The following SETBP1 variants were observed in gnomAD, a reference collection of about 807,000 sequenced individuals.
SETBP1 encodes SET binding protein 1, also known as SET-binding protein.
Under a neutral mutation model 101.0 loss-of-function variants are expected in SETBP1, and 9 were observed. The ratio of observed to expected loss-of-function variants is 0.09; its 90% CI spans 0.05 to 0.16. The LOEUF is 0.16. Among genes scored for constraint, SETBP1 ranks in the 10% least tolerant of loss-of-function variants. The pLI is 1.00. For missense variants in SETBP1, 1,858 were observed against 2,033.8 expected (o/e 0.91, Z 1.66); for synonymous variants, 818 against 788.5 (o/e 1.04, Z -0.63).
chr18:45,003,404 T>A (rs780314198), intron 4 of SETBP1, among the ~76,000 whole-genome samples: 1 of 152,216 alleles, frequency 6.6e-6, no homozygotes, highest in Non-Finnish European at 1.5e-5. Context: ...CCATTACAAG[T>A]AATGTATGTA....
intron 3 of SETBP1, among the ~76,000 whole-genome samples, chr18:44,910,933 A>C (rs2070293844): frequency 6.6e-6 from 1 of 152,086 alleles, no homozygotes; most frequent in Admixed American, 6.6e-5. Context: ...CACTCTCTGA[A>C]GTTATGGAAG....
intron 1 of SETBP1, among the ~76,000 whole-genome samples, chr18:44,690,155 G>A (rs1042725517): frequency 6.6e-6 from 1 of 152,202 alleles, no homozygotes; most frequent in Non-Finnish European, 1.5e-5. Flanking sequence ...AAACTCTTGT[G>A]ATACTGGTAC....
At chr18:44,744,204 A>T (rs1434010431) in intron 2 of SETBP1, among the ~76,000 whole-genome samples, 1 of 152,214 alleles carries the variant, frequency 6.6e-6, no homozygotes, top group African/African-American at 2.4e-5. Flanking sequence ...GTCTCTGGGG[A>T]CTGGAAGAGA....
intron 2 of SETBP1, among the ~76,000 whole-genome samples, chr18:44,853,977 G>C (rs997245778): frequency 1.3e-5 from 2 of 152,098 alleles, no homozygotes; most frequent in East Asian, 3.9e-4. Context: ...ACATCAGACC[G>C]GTCTTCATTA....
At chr18:44,867,140 G>A (rs890185638) in intron 2 of SETBP1, among the ~76,000 whole-genome samples, 3 of 152,202 alleles carry the variant, frequency 2.0e-5, no homozygotes, top group Non-Finnish European at 4.4e-5. Context: ...TCAGTAAAGA[G>A]GAGATACTTT....
chr18:44,796,970 G>A (rs1457411091), intron 2 of SETBP1, among the ~76,000 whole-genome samples: 2 of 152,118 alleles, frequency 1.3e-5, no homozygotes, highest in East Asian at 1.9e-4. Context: ...CCTACCTGAA[G>A]GGGGGTAAAT....
chr18:44,867,773 C>T (rs1221843236), intron 2 of SETBP1, among the ~76,000 whole-genome samples: 1 of 152,182 alleles, frequency 6.6e-6, no homozygotes, highest in Non-Finnish European at 1.5e-5. Context: ...ACCTTCTCCA[C>T]CTCTCTTCTG....
At chr18:45,042,926 T>G (rs182259528) in intron 5 of SETBP1, among the ~76,000 whole-genome samples, 1 of 152,272 alleles carries the variant, frequency 6.6e-6, no homozygotes, top group African/African-American at 2.4e-5. Context: ...AGTCCCCTGG[T>G]GCAGCCAAGG....
At position 44,952,892 on chromosome 18, in the gene SETBP1, C is replaced by T. The variant is rs1379789897; in HGVS notation, c.3552C>T (p.His1184=). 1.9e-6 allele frequency: 3 copies of T among 1,614,210 alleles called. No homozygotes were observed. The East Asian group carries it at 6.7e-5, about 36-fold the overall frequency. Residue 1184 remains histidine, a synonymous_variant, in exon 4 of 6, where the codon CAC becomes CAT. Transcript: ENST00000649279. Reference sequence around the variant, plus strand: ...GCAAAGCCACAGGCTTCTCCAGCCACATCCTGAGCGAGCGGCTGAGTAGCG... The same window carrying T: ...GCAAAGCCACAGGCTTCTCCAGCCATATCCTGAGCGAGCGGCTGAGTAGCG... The part of the protein sequence containing the change: ...FAGKATGFSS[H]ILSERLSSAD...
intron 2 of SETBP1, among the ~76,000 whole-genome samples, chr18:44,827,342 A>G (rs2072259889): frequency 6.6e-6 from 1 of 152,116 alleles, no homozygotes; most frequent in African/African-American, 2.4e-5. Context: ...TTGCCCATAG[A>G]CGTGTCATTA....
At chr18:44,956,995 A>G (rs1347582225) in intron 4 of SETBP1, among the ~76,000 whole-genome samples, 1 of 152,160 alleles carries the variant, frequency 6.6e-6, no homozygotes, top group Non-Finnish European at 1.5e-5. Context: ...CCTGTTTTCT[A>G]AATGCATACC....
chr18:44,938,562 T>C (rs2071014284), intron 3 of SETBP1, among the ~76,000 whole-genome samples: 1 of 152,226 alleles, frequency 6.6e-6, no homozygotes, highest in South Asian at 2.1e-4. Context: ...GAGGAGCCAT[T>C]ACCCAGATGG....
intron 2 of SETBP1, among the ~76,000 whole-genome samples, chr18:44,706,310 G>A (rs1179002092): frequency 6.6e-6 from 1 of 152,036 alleles, no homozygotes; most frequent in Non-Finnish European, 1.5e-5. Context: ...GTAGTGCTGG[G>A]CACAGTGGCT....
intron 2 of SETBP1, among the ~76,000 whole-genome samples, chr18:44,822,547 A>G (rs775960369): frequency 6.6e-6 from 1 of 152,238 alleles, no homozygotes; most frequent in Non-Finnish European, 1.5e-5. Flanking sequence ...ACCACCTGCC[A>G]TAGGGAAGAT....
intron 4 of SETBP1, among the ~76,000 whole-genome samples, chr18:45,030,968 G>C (rs180861589): frequency 0.094 from 14,269 of 151,468 alleles, 934 homozygotes; most frequent in African/African-American, 0.19. Flanking sequence ...ACCAGCTCCT[G>C]GATTCATTAA....
At chr18:44,895,960 C>T (rs565136492) in intron 3 of SETBP1, among the ~76,000 whole-genome samples, 6 of 152,138 alleles carry the variant, frequency 3.9e-5, no homozygotes, top group African/African-American at 7.2e-5. Flanking sequence ...TCCCCATGCC[C>T]GCATGCTCAC....
intron 4 of SETBP1, among the ~76,000 whole-genome samples, chr18:44,980,325 G>T (rs1392398675): frequency 6.6e-6 from 1 of 152,092 alleles, no homozygotes; most frequent in Non-Finnish European, 1.5e-5. Context: ...CTTGCGTCTT[G>T]TCACAAACCA....
rs1468562914 is a variant in SETBP1, at chr18:44,805,352, C to T, written c.487-63878C>T. Among the ~76,000 whole-genome samples the T allele has an allele frequency of 4.6e-5, 7 of 152,074 alleles. No homozygotes were observed. The East Asian group carries it at 1.4e-3, about 29-fold the overall frequency. On this transcript the variant is annotated intron_variant, in intron 2 of 5. Coordinates refer to ENST00000649279, the MANE Select transcript of SETBP1 (RefSeq NM_015559.3). Reference sequence around the variant, plus strand: ...GGATTAACTTATTCTGTGTGTCTAGCAGCTGCCAGACACCCATGGGGATGG... The same window carrying T: ...GGATTAACTTATTCTGTGTGTCTAGTAGCTGCCAGACACCCATGGGGATGG...
intron 4 of SETBP1, among the ~76,000 whole-genome samples, chr18:44,964,085 TG>T (rs2071671308): frequency 6.6e-6 from 1 of 152,066 alleles, no homozygotes; most frequent in Non-Finnish European, 1.5e-5. Context: ...CACAAGGAAC[TG>T]GGATGTAGGC....
Sources: allele counts gnomAD v4.1 joint callset (sites outside exome capture counted in the v4.1 genomes callset), GRCh38; gene constraint gnomAD v4.1.1; transcripts MANE v1.5; gene names NCBI Gene and HGNC (gene_info 2026-07-23, HGNC 2026-07-21).